SNX29: variants seen among roughly 807,000 people sequenced by gnomAD.
SNX29 encodes the protein sorting nexin 29.
SNX29 carries 78 observed loss-of-function variants against 102.1 expected under a neutral mutation model. That is an observed-to-expected ratio of 0.76 (90% CI 0.64 to 0.92). SNX29 has a LOEUF of 0.92. SNX29 is among the 40% of genes least tolerant of loss of function. SNX29 has a pLI of 0.00. For synonymous variants in SNX29, 580 were observed against 414.5 expected, an observed-to-expected ratio of 1.40 and a Z score of -4.85; for missense variants, 1,280 against 1,061.7, an observed-to-expected ratio of 1.21 and a Z score of -2.86.
chr16:12,547,494 C>T (rs927103643), intron 20 of SNX29, among the ~76,000 whole-genome samples: 5 of 152,138 alleles, frequency 3.3e-5, no homozygotes, highest in African/African-American at 9.7e-5. Context: ...ACTACCAGAA[C>T]TTGCTGGTTT....
intron 14 of SNX29, among the ~76,000 whole-genome samples, chr16:12,242,370 T>A (rs569228500): frequency 0.093 from 10,823 of 116,008 alleles, 535 homozygotes; most frequent in Admixed American, 0.17. Context: ...TATATATATT[T>A]TTTTTTTTTT....
chr16:12,317,339 CT>C (rs1226220735), intron 15 of SNX29, among the ~76,000 whole-genome samples: 1 of 152,230 alleles, frequency 6.6e-6, no homozygotes, highest in Admixed American at 6.5e-5. Context: ...CGTCTTCCCC[CT>C]GGCTTCTGTG....
intron 16 of SNX29, among the ~76,000 whole-genome samples, chr16:12,368,055 G>C (rs536381232): frequency 6.6e-6 from 1 of 152,354 alleles, no homozygotes; most frequent in Non-Finnish European, 1.5e-5. Context: ...TCATGCAGGT[G>C]CTTCTTGCAC....
intron 15 of SNX29, among the ~76,000 whole-genome samples, chr16:12,324,105 C>T (rs1053594305): frequency 1.3e-5 from 2 of 152,008 alleles, no homozygotes; most frequent in African/African-American, 2.4e-5. Flanking sequence ...TTTGTTTCCT[C>T]ATGTGATTAT....
chr16:12,082,535 A>C (rs1029924364), intron 11 of SNX29, among the ~76,000 whole-genome samples: 14 of 143,166 alleles, frequency 9.8e-5, no homozygotes, highest in Non-Finnish European at 2.0e-4. Context: ...ACAGAGGCGT[A>C]GATTGTTTTT....
intron 18 of SNX29, among the ~76,000 whole-genome samples, chr16:12,407,655 C>T (rs1290083331): frequency 6.6e-6 from 1 of 152,156 alleles, no homozygotes; most frequent in African/African-American, 2.4e-5. Context: ...TGTAGCCATC[C>T]TGTGGGGTAA....
At chr16:12,026,791 A>T (rs1381261297) in intron 3 of SNX29, among the ~76,000 whole-genome samples, 1 of 152,222 alleles carries the variant, frequency 6.6e-6, no homozygotes, top group East Asian at 1.9e-4. Context: ...TCTCTTATAT[A>T]AAGAATGAGA....
chr16:12,536,519 A>G (rs574633050), intron 20 of SNX29, among the ~76,000 whole-genome samples: 8 of 152,176 alleles, frequency 5.3e-5, no homozygotes, highest in African/African-American at 1.7e-4. Flanking sequence ...TCATGCCTCT[A>G]TTTTCCCCTC....
At chr16:12,432,585 G>T (rs1567557088) in intron 18 of SNX29, among the ~76,000 whole-genome samples, 1 of 152,230 alleles carries the variant, frequency 6.6e-6, no homozygotes, top group Non-Finnish European at 1.5e-5. Flanking sequence ...AGCACGCTAT[G>T]TATAAGAGCA....
At chr16:12,355,623 C>G (rs2082108061) in intron 15 of SNX29, among the ~76,000 whole-genome samples, 1 of 152,044 alleles carries the variant, frequency 6.6e-6, no homozygotes, top group South Asian at 2.1e-4. Context: ...GTTGAATAGT[C>G]TGTACATTGA....
At chr16:12,246,379 G>T (rs907532983) in intron 14 of SNX29, among the ~76,000 whole-genome samples, 2 of 152,096 alleles carry the variant, frequency 1.3e-5, no homozygotes, top group Non-Finnish European at 2.9e-5. Flanking sequence ...GGTGGCTCAC[G>T]CTTGTAATCC....
At chr16:11,996,428 GA>G (rs2056076038) in intron 1 of SNX29, among the ~76,000 whole-genome samples, 1 of 152,314 alleles carries the variant, frequency 6.6e-6, no homozygotes, top group African/African-American at 2.4e-5. Context: ...AGATCTCCAG[GA>G]GATCTGTGTG....
At chr16:12,097,472 A>G (rs2052816000) in intron 11 of SNX29, among the ~76,000 whole-genome samples, 1 of 152,084 alleles carries the variant, frequency 6.6e-6, no homozygotes, top group South Asian at 2.1e-4. Context: ...TCTGTGGTTA[A>G]TGATCCAGGC....
At chr16:12,397,324 G>A (rs2083758608) in intron 16 of SNX29, among the ~76,000 whole-genome samples, 1 of 152,074 alleles carries the variant, frequency 6.6e-6, no homozygotes, top group African/African-American at 2.4e-5. Context: ...GTTTGCTGAG[G>A]GTTTATAGCA....
chr16:12,305,447 A>C (rs542546757), intron 15 of SNX29, among the ~76,000 whole-genome samples: 1 of 152,362 alleles, frequency 6.6e-6, no homozygotes, highest in African/African-American at 2.4e-5. Context: ...TGACTGTGAC[A>C]CTGGCAGGTC....
intron 19 of SNX29, among the ~76,000 whole-genome samples, chr16:12,496,888 G>A (rs533221897): frequency 3.3e-5 from 5 of 151,996 alleles, no homozygotes; most frequent in African/African-American, 1.2e-4. Context: ...TTCAGGGAGG[G>A]GAAAGCATGA....
intron 15 of SNX29, among the ~76,000 whole-genome samples, chr16:12,331,555 A>T (rs993862569): frequency 3.9e-5 from 6 of 151,940 alleles, no homozygotes; most frequent in African/African-American, 1.4e-4. Context: ...CTGTTCCAGA[A>T]TTTTTTTGTT....
chr16:12,344,536 GAATA>G lies in SNX29; in HGVS notation c.1783-11623_1783-11620del, dbSNP rs113422719. On this transcript the variant is annotated intron_variant, in intron 15 of 20. Transcript: ENST00000566228. ...CTCAGTAGATGTTTGTGGAATGAAT[GAATA>G]AATGAATGAAAGAATCTGAGAATTT... 5.2e-3 allele frequency among the ~76,000 whole-genome samples: 797 copies of G among 152,254 alleles called. 6 individuals are homozygous for G. The highest frequency in any genetic ancestry group is 0.019 in the African/African-American group (774 of 41,532).
intron 11 of SNX29, among the ~76,000 whole-genome samples, chr16:12,122,174 A>G (rs1159068548): frequency 6.6e-6 from 1 of 152,148 alleles, no homozygotes; most frequent in African/African-American, 2.4e-5. Context: ...TCACTATTTC[A>G]GTGTGTCTCC....
Sources: allele counts gnomAD v4.1 joint callset (sites outside exome capture counted in the v4.1 genomes callset), GRCh38; gene constraint gnomAD v4.1.1; transcripts MANE v1.5; gene names NCBI Gene and HGNC (gene_info 2026-07-23, HGNC 2026-07-21).